DENND4C: variants seen among roughly 807,000 people sequenced by gnomAD.
DENND4C encodes the protein DENN domain-containing protein 4C.
A neutral mutation model predicts 203.0 loss-of-function variants in DENND4C; 108 were observed. The ratio of observed to expected loss-of-function variants is 0.53; its 90% CI spans 0.46 to 0.62. The LOEUF is 0.62. Ranked by LOEUF, DENND4C falls within the 20% of genes least tolerant of loss-of-function variation. DENND4C has a pLI of 0.00. For synonymous variants in DENND4C, 871 were observed against 792.4 expected, an observed-to-expected ratio of 1.10 and a Z score of -1.67; for missense variants, 2,481 against 2,301.2, an observed-to-expected ratio of 1.08 and a Z score of -1.60.
At chr9:19,292,828 C>T (rs1836653320) in intron 5 of DENND4C, among the ~76,000 whole-genome samples, 1 of 152,102 alleles carries the variant, frequency 6.6e-6, no homozygotes, top group African/African-American at 2.4e-5. Context: ...TTACAGGTGT[C>T]AGCCAATGCG....
At chr9:19,238,155 T>C (rs1693963039) in intron 1 of DENND4C, among the ~76,000 whole-genome samples, 1 of 151,278 alleles carries the variant, frequency 6.6e-6, no homozygotes. Context: ...TGATCTCAGC[T>C]CACCGCAACC....
At chr9:19,295,681 A>AAAAAAG (rs1204309823) in intron 5 of DENND4C, among the ~76,000 whole-genome samples, 1 of 151,804 alleles carries the variant, frequency 6.6e-6, no homozygotes, top group African/African-American at 2.4e-5. Flanking sequence ...AAAAAAAAAA[A>AAAAAAG]AAAAAGAAAA....
chr9:19,266,015 C>T (rs976219764), intron 1 of DENND4C, among the ~76,000 whole-genome samples: 1 of 152,176 alleles, frequency 6.6e-6, no homozygotes, highest in Admixed American at 6.5e-5. Flanking sequence ...GTTCTAGATC[C>T]TTGAGGAATC....
chr9:19,240,712 A>T (rs922085775), intron 1 of DENND4C, among the ~76,000 whole-genome samples: 7 of 151,164 alleles, frequency 4.6e-5, no homozygotes, highest in Admixed American at 3.3e-4. Flanking sequence ...CACACCTGTA[A>T]TCCCAGCACT....
chr9:19,345,832 C>A, intron 22 of DENND4C, 89 bp from the exon 23 acceptor site: 2 of 1,207,514 alleles, frequency 1.7e-6, no homozygotes, highest in Non-Finnish European at 2.3e-6. Context: ...GAGTATATGT[C>A]ACATTCATAA....
intron 26 of DENND4C, among the ~76,000 whole-genome samples, chr9:19,356,418 T>A (rs950193461): frequency 7.9e-5 from 12 of 152,116 alleles, no homozygotes; most frequent in African/African-American, 2.2e-4. Context: ...CAGAAAATTC[T>A]CTAAATGTTC....
At chr9:19,361,050 T>C (rs115405987) in intron 29 of DENND4C, among the ~76,000 whole-genome samples, 3,197 of 152,174 alleles carry the variant, frequency 0.021, 120 homozygotes, top group African/African-American at 0.072. Flanking sequence ...ATTTTTGTAT[T>C]TTTGGTAGAG....
At chr9:19,344,090 C>T (rs1316024674) in intron 22 of DENND4C, among the ~76,000 whole-genome samples, 1 of 152,102 alleles carries the variant, frequency 6.6e-6, no homozygotes, top group Non-Finnish European at 1.5e-5. Context: ...TCAGTACTAA[C>T]TTGAAAGATT....
At chr9:19,359,237 T>C (rs1260990917) in intron 28 of DENND4C, among the ~76,000 whole-genome samples, 2 of 151,744 alleles carry the variant, frequency 1.3e-5, no homozygotes, top group Admixed American at 1.3e-4. Flanking sequence ...TTTCAACATT[T>C]ATGTTTAATT....
At chr9:19,294,843 T>A (rs1837097723) in intron 5 of DENND4C, among the ~76,000 whole-genome samples, 2 of 152,166 alleles carry the variant, frequency 1.3e-5, no homozygotes. Context: ...ATAGCTACCC[T>A]TATAGAGATA....
intron 31 of DENND4C, chr9:19,371,513 T>G (rs1828826339): frequency 7.3e-6 from 2 of 274,736 alleles, no homozygotes; most frequent in African/African-American, 2.2e-5. Context: ...TAACTTTAAT[T>G]TGGAATAGAA....
rs116621491 is a variant in DENND4C at position 19,255,733 on chromosome 9, A to G, written c.-17-20425A>G. Among the ~76,000 whole-genome samples, 857 of 152,334 alleles carry G rather than the reference A, an allele frequency of 5.6e-3. 7 individuals are homozygous for G. The highest frequency in any genetic ancestry group is 0.019 in the African/African-American group (801 of 41,578). ...TTCAAAATACATGAAGCAAAAACTG[A>G]TAGACTGAAAGGAGAAAAAGACAAA... On this transcript the variant is annotated intron_variant, in intron 1 of 32. Coordinates refer to ENST00000434457, the MANE Select transcript of DENND4C (RefSeq NM_001330640.2).
intron 1 of DENND4C, among the ~76,000 whole-genome samples, chr9:19,257,386 C>T (rs940293076): frequency 6.6e-6 from 1 of 150,480 alleles, no homozygotes; most frequent in Non-Finnish European, 1.5e-5. Flanking sequence ...CACAACATAT[C>T]TAGATTTGTG....
In DENND4C at chr9:19,373,445, G is replaced by A. The variant is rs1223875568; in HGVS notation, c.*1272G>A. On this transcript the variant is annotated 3_prime_UTR_variant, in exon 33 of 33. Coordinates refer to ENST00000434457, the MANE Select transcript of DENND4C (RefSeq NM_001330640.2). ...AGGCACATACATTGTTGGTATTGAT[G>A]ACTTTTTAAAACCTGTGGGATAAAC... is the stretch of plus-strand genomic sequence containing the variant. 2 of 152,590 alleles carry A rather than the reference G, an allele frequency of 1.3e-5. No homozygotes were observed. Among genetic ancestry groups the A allele is most frequent in the Non-Finnish European group, 2.9e-5 (2 of 68,012 alleles). The allele number at this position is 152,590 out of a possible 1,614,324, so 9.5% of individuals were successfully genotyped here. A position where few individuals can be genotyped will look rare whatever the true frequency, so the allele number is the denominator to read the frequency against.
At chr9:19,327,425 T>C (rs1458702310) in intron 15 of DENND4C, among the ~76,000 whole-genome samples, 2 of 151,990 alleles carry the variant, frequency 1.3e-5, no homozygotes, top group African/African-American at 4.8e-5. Flanking sequence ...TAATTTGATA[T>C]TAATTATAAT....
chr9:19,342,567 C>A lies in DENND4C; in HGVS notation c.3005-66C>A. On this transcript the variant is annotated intron_variant, in intron 21 of 32. Transcript: ENST00000434457. Reference sequence around the variant, plus strand: ...AAAAATACATACAATATCTAAAAGTCAATATATGGTTTCTGTTTAATATTG... The same window carrying A: ...AAAAATACATACAATATCTAAAAGTAAATATATGGTTTCTGTTTAATATTG... The A allele has an allele frequency of 2.1e-6, 3 of 1,458,338 alleles. No individual in the cohort carries two copies. The South Asian group carries it at 4.5e-5, about 22-fold the overall frequency. 90.3% of individuals were successfully genotyped at this position (1,458,338 alleles called of 1,614,324 possible).
intron 16 of DENND4C, 64 bp downstream of exon 16, chr9:19,328,226 G>T: frequency 1.4e-6 from 2 of 1,427,670 alleles, no homozygotes; most frequent in Non-Finnish European, 1.9e-6. Flanking sequence ...GTGATATGCA[G>T]CTCATAGTTT....
chr9:19,254,666 T>A (rs1017965403), intron 1 of DENND4C, among the ~76,000 whole-genome samples: 7 of 152,086 alleles, frequency 4.6e-5, no homozygotes, highest in African/African-American at 1.7e-4. Flanking sequence ...TACTTGAAAT[T>A]TGATAAAGAG....
intron 1 of DENND4C, among the ~76,000 whole-genome samples, chr9:19,252,002 C>T (rs1181652566): frequency 6.6e-6 from 1 of 152,192 alleles, no homozygotes; most frequent in Non-Finnish European, 1.5e-5. Flanking sequence ...TTTCGGATAT[C>T]TTTTCAGCAG....
Sources: gnomAD v4.1 joint callset for allele counts (sites outside exome capture counted in the v4.1 genomes callset) on GRCh38, gnomAD v4.1.1 for gene constraint, MANE v1.5 for transcripts, NCBI Gene and HGNC (gene_info 2026-07-23, HGNC 2026-07-21) for gene names.